LCORL: variants seen among roughly 807,000 people sequenced by gnomAD.
LCORL encodes the protein ligand dependent nuclear receptor corepressor like.
In LCORL, 41 loss-of-function variants were observed where a neutral mutation model predicts 141.8. The observed-to-expected ratio is 0.29, with a 90% CI of 0.23 to 0.38. The LOEUF (loss-of-function observed/expected upper bound fraction) is 0.38, where lower values mean the gene tolerates loss of function less well. Ranked by LOEUF, LCORL falls within the 10% of genes least tolerant of loss-of-function variation. The probability of loss-of-function intolerance (pLI) is 1.00; values close to 1 mark genes in which losing one functional copy is unlikely to be tolerated. For missense variants in LCORL, 1,759 were observed against 2,035.0 expected (o/e 0.86, Z 2.61); for synonymous variants, 618 against 694.1 (o/e 0.89, Z 1.72).
intron 5 of LCORL, among the ~76,000 whole-genome samples, chr4:17,903,397 T>C (rs911083758): frequency 2.0e-5 from 3 of 152,088 alleles, no homozygotes; most frequent in Admixed American, 6.6e-5. Flanking sequence ...CTATGCTTCA[T>C]AGTTGTTACA....
Position 18,021,849 on chromosome 4 carries a change from C to A in LCORL, c.-98G>T. 2 of 1,345,952 alleles carry A rather than the reference C, an allele frequency of 1.5e-6. No individual in the cohort carries two copies. The highest frequency in any genetic ancestry group is 9.6e-7 in the Non-Finnish European group (1 of 1,038,320). The allele number at this position is 1,345,952 out of a possible 1,614,324, so 83.4% of individuals were successfully genotyped here. A position where few individuals can be genotyped will look rare whatever the true frequency, so the allele number is the denominator to read the frequency against. On this transcript the variant is annotated 5_prime_UTR_variant, in exon 1 of 8. Coordinates refer to ENST00000635767, the Ensembl canonical transcript of LCORL. The surrounding 1 kb of genome is among the most constrained non-coding windows in gnomAD (Gnocchi z 5.5). ...CGCGAGCCCCGGAGCGCGCGCCCCCCGGAGGGGGGTTGATTGACACGTGTC... is the reference window on the plus strand; with the variant it reads ...CGCGAGCCCCGGAGCGCGCGCCCCCAGGAGGGGGGTTGATTGACACGTGTC...
intron 1 of LCORL, among the ~76,000 whole-genome samples, chr4:18,000,465 T>G (rs1314711481): frequency 6.6e-6 from 1 of 152,130 alleles, no homozygotes; most frequent in Non-Finnish European, 1.5e-5. Context: ...TGAATCAAAA[T>G]TAAGAATGTG....
intron 7 of LCORL, among the ~76,000 whole-genome samples, chr4:17,873,104 A>G (rs1481651393): frequency 6.6e-6 from 1 of 152,138 alleles, no homozygotes; most frequent in Non-Finnish European, 1.5e-5. Context: ...AAAAGGAGAT[A>G]ACATCTACAT....
At chr4:17,934,898 G>A (rs1736609423) in intron 4 of LCORL, among the ~76,000 whole-genome samples, 1 of 152,064 alleles carries the variant, frequency 6.6e-6, no homozygotes, top group African/African-American at 2.4e-5. Flanking sequence ...CCTCAGGCTA[G>A]AACAGAATAA....
At chr4:17,968,986 G>A (rs932910016) in intron 2 of LCORL, among the ~76,000 whole-genome samples, 35 of 152,278 alleles carry the variant, frequency 2.3e-4, no homozygotes, top group African/African-American at 7.9e-4. Context: ...CTAATGCATT[G>A]AGGTTCATGC....
intron 6 of LCORL, chr4:17,883,782 C>T: frequency 6.4e-7 from 1 of 1,550,390 alleles, no homozygotes; most frequent in Non-Finnish European, 8.7e-7. Context: ...TTATATAACC[C>T]AGTGTCTGGT....
chr4:17,876,249 T>C, exon 7 of LCORL: 1 of 1,230,934 alleles, frequency 8.1e-7, no homozygotes, highest in Non-Finnish European at 1.0e-6. Context: ...GTTATTCAAA[T>C]CCACTGTAGG....
chr4:17,883,027 G>A (rs2109211399), intron 6 of LCORL: 1 of 976,370 alleles, frequency 1.0e-6, no homozygotes, highest in East Asian at 1.1e-4. Context: ...TTAACTATGT[G>A]TCAGTTTTTT....
In LCORL at chr4:17,915,366, A is replaced by G. The variant is rs200965382; in HGVS notation, c.431-6021T>C. Among the ~76,000 whole-genome samples, 7 of 152,340 alleles carry G rather than the reference A, an allele frequency of 4.6e-5. No homozygotes were observed. The East Asian group carries it at 1.3e-3, about 29-fold the overall frequency. ...GTGAGCCAAAACCAACTAGCTGAGCAATTCTCAGGTTACTGACCCCAGAGA... is the reference window on the plus strand; with the variant it reads ...GTGAGCCAAAACCAACTAGCTGAGCGATTCTCAGGTTACTGACCCCAGAGA... On this transcript the variant is annotated intron_variant, in intron 4 of 7. Transcript: ENST00000635767.
intron 4 of LCORL, among the ~76,000 whole-genome samples, chr4:17,954,976 G>C (rs1393337951): frequency 1.3e-5 from 2 of 152,170 alleles, no homozygotes; most frequent in African/African-American, 4.8e-5. Context: ...CAGGAGGAAA[G>C]GTCAGGATTA....
At chr4:17,954,174 A>C (rs1712087291) in intron 4 of LCORL, among the ~76,000 whole-genome samples, 3 of 152,108 alleles carry the variant, frequency 2.0e-5, no homozygotes, top group African/African-American at 7.2e-5. Flanking sequence ...AAAACAAACA[A>C]ACAAAAACAA....
intron 1 of LCORL, among the ~76,000 whole-genome samples, chr4:18,011,507 T>C (rs1353254463): frequency 2.0e-5 from 3 of 152,080 alleles, no homozygotes; most frequent in East Asian, 3.9e-4. Flanking sequence ...CCAGTCCTAC[T>C]TTCTGCTGCT....
At chr4:17,850,521 C>G (rs989509132) in intron 7 of LCORL, among the ~76,000 whole-genome samples, 3 of 152,146 alleles carry the variant, frequency 2.0e-5, no homozygotes, top group South Asian at 4.1e-4. Flanking sequence ...ACAGACACAT[C>G]AAAAAATGCT....
exon 8 of LCORL, chr4:17,845,829 G>A (rs374217707): frequency 1.9e-6 from 3 of 1,613,322 alleles, no homozygotes; most frequent in African/African-American, 2.7e-5. Context: ...ACATCTTAAT[G>A]GGGCTCAAAG....
intron 1 of LCORL, among the ~76,000 whole-genome samples, chr4:18,014,811 C>T (rs1287644875): frequency 6.6e-6 from 1 of 152,154 alleles, no homozygotes; most frequent in Non-Finnish European, 1.5e-5. Flanking sequence ...CTGGGCCCCC[C>T]ATTCACATTC....
At chr4:17,989,584 G>A (rs901481395) in intron 1 of LCORL, among the ~76,000 whole-genome samples, 7 of 152,088 alleles carry the variant, frequency 4.6e-5, no homozygotes, top group Non-Finnish European at 7.4e-5. Context: ...AACACAAGCC[G>A]CATCAGTAAA....
intron 4 of LCORL, among the ~76,000 whole-genome samples, chr4:17,946,948 GGA>G (rs1399541072): frequency 6.6e-6 from 1 of 151,956 alleles, no homozygotes; most frequent in African/African-American, 2.4e-5. Context: ...AAAACTGGAT[GGA>G]AGTTCCTCAG....
At chr4:17,901,386 TA>T (rs66571587) in intron 5 of LCORL, among the ~76,000 whole-genome samples, 13,548 of 140,964 alleles carry the variant, frequency 0.096, 1,288 homozygotes, top group African/African-American at 0.26. Flanking sequence ...GAAAATGAAA[TA>T]AAAAAAAAAA....
In LCORL at chr4:17,943,315, G is replaced by A. The variant is rs1454033349; in HGVS notation, c.430+18588C>T. Among the ~76,000 whole-genome samples the A allele has an allele frequency of 2.0e-5, 3 of 152,160 alleles. No homozygotes were observed. In the South Asian group the frequency reaches 6.2e-4, roughly 31 times the overall value. ...ACAACTCAGTAAGGTAACTCAGTGAGTATCTCATAAATGAAATGACTCTTC... is the reference window on the plus strand; with the variant it reads ...ACAACTCAGTAAGGTAACTCAGTGAATATCTCATAAATGAAATGACTCTTC... On this transcript the variant is annotated intron_variant, in intron 4 of 7. Transcript: ENST00000635767.
Sources: gnomAD v4.1 joint callset for allele counts (sites outside exome capture counted in the v4.1 genomes callset) on GRCh38, gnomAD v4.1.1 for gene constraint, Gnocchi (gnomAD v3.1) non-coding constraint, MANE v1.5 for transcripts, NCBI Gene and HGNC (gene_info 2026-07-23, HGNC 2026-07-21) for gene names.